The following DGKH variants were observed in gnomAD, a reference collection of about 807,000 sequenced individuals.
DGKH encodes diacylglycerol kinase eta, also known as DAG kinase eta.
Under a neutral mutation model 159.3 loss-of-function variants are expected in DGKH, and 90 were observed. The observed-to-expected ratio is 0.57, with a 90% confidence interval of 0.48 to 0.67. The LOEUF is 0.67. Ranked by LOEUF, DGKH falls within the 30% of genes least tolerant of loss-of-function variation. The probability of loss-of-function intolerance (pLI) is 0.00; values close to 1 mark genes in which losing one functional copy is unlikely to be tolerated. For synonymous variants in DGKH, 536 were observed against 553.8 expected (o/e 0.97, Z 0.45); for missense variants, 1,181 against 1,506.1 (o/e 0.78, Z 3.57).
rs189688534 is a variant in DGKH, at chr13:42,093,605, C to T, written c.193-33858C>T. ...CCTAATAGCCAAAAGGTATAAACAA[C>T]GCAAGTGCCAATAAACAGACGAATG... On this transcript the variant is annotated intron_variant, in intron 1 of 29. Transcript: ENST00000337343. Among the ~76,000 whole-genome samples, 58 of 152,242 alleles carry T rather than the reference C, an allele frequency of 3.8e-4. 1 individual carries two copies. The Middle Eastern group carries it at 0.01, about 27-fold the overall frequency.
At chr13:42,087,077 A>ACACG (rs917458556) in intron 1 of DGKH, among the ~76,000 whole-genome samples, 3 of 150,496 alleles carry the variant, frequency 2.0e-5, no homozygotes, top group African/African-American at 7.4e-5. Context: ...ACACACACAC[A>ACACG]CACACACCTC....
intron 1 of DGKH, among the ~76,000 whole-genome samples, chr13:42,049,812 A>T (rs1428237738): frequency 6.6e-6 from 1 of 152,208 alleles, no homozygotes; most frequent in Non-Finnish European, 1.5e-5. Flanking sequence ...TTTTAATTTG[A>T]TCATGAACAT....
intron 1 of DGKH, among the ~76,000 whole-genome samples, chr13:42,053,446 CTA>C (rs1229249000): frequency 1.8e-4 from 19 of 105,154 alleles, no homozygotes; most frequent in South Asian, 2.6e-4. Context: ...CTATATATAA[CTA>C]TATATATAAC....
chr13:42,046,088 CTT>C (rs1332812797), upstream of DGKH, among the ~76,000 whole-genome samples: 2 of 152,100 alleles, frequency 1.3e-5, no homozygotes, highest in African/African-American at 4.8e-5. Context: ...ATGTTGAAGT[CTT>C]TAATAGTGTG....
At chr13:42,118,535 C>T (rs1955005612) in intron 1 of DGKH, among the ~76,000 whole-genome samples, 1 of 152,200 alleles carries the variant, frequency 6.6e-6, no homozygotes, top group Non-Finnish European at 1.5e-5. Context: ...TGTTCAGTGT[C>T]ATAGGTGCTG....
At chr13:42,132,053 G>C (rs1348320449) in intron 3 of DGKH, among the ~76,000 whole-genome samples, 1 of 152,204 alleles carries the variant, frequency 6.6e-6, no homozygotes. Flanking sequence ...CCTGAGCAGT[G>C]AAGAATAATC....
chr13:42,094,764 A>G (rs886686564), intron 1 of DGKH, among the ~76,000 whole-genome samples: 1 of 152,198 alleles, frequency 6.6e-6, no homozygotes, highest in African/African-American at 2.4e-5. Flanking sequence ...GTTGTTTTCC[A>G]CAGTCTCAAA....
Position 42,159,259 on chromosome 13 carries a change from T to TTTTTTTTTTTTTTTTTTG in DGKH, c.623-3_623-2insTTTTTTTTTTTTTGTTTT. 1.7e-6 allele frequency: 2 copies of TTTTTTTTTTTTTTTTTTG among 1,143,462 alleles called. No homozygotes were observed. The highest frequency in any genetic ancestry group is 2.6e-5 in the Admixed American group (1 of 38,522). 70.8% of individuals were successfully genotyped at this position (1,143,462 alleles called of 1,614,324 possible). A position where few individuals can be genotyped will look rare whatever the true frequency, so the allele number is the denominator to read the frequency against. ...AGCAGTTGCTCTTTTTTTTTTTTTT[T>TTTTTTTTTTTTTTTTTTG]TTTTAGTGTGTAAATTCAAGGCTCA... On this transcript the variant is annotated splice_polypyrimidine_tract_variant and splice_region_variant and intron_variant, in intron 5 of 29. Transcript: ENST00000337343.
intron 1 of DGKH, among the ~76,000 whole-genome samples, chr13:42,079,352 C>A (rs1338424844): frequency 1.3e-5 from 2 of 152,092 alleles, no homozygotes; most frequent in South Asian, 2.1e-4. Context: ...AATTTCATTA[C>A]ATGCACAGAT....
At chr13:42,087,724 A>AT (rs1241026172) in intron 1 of DGKH, among the ~76,000 whole-genome samples, 1 of 150,504 alleles carries the variant, frequency 6.6e-6, no homozygotes, top group Non-Finnish European at 1.5e-5. Context: ...ATAAAACAGA[A>AT]TAAAAAGTTG....
chr13:42,121,749 A>G (rs1427560448), intron 1 of DGKH, among the ~76,000 whole-genome samples: 4 of 152,180 alleles, frequency 2.6e-5, no homozygotes, highest in African/African-American at 9.7e-5. Flanking sequence ...TGGGGACTTA[A>G]GCGTTAAGGC....
upstream of DGKH, among the ~76,000 whole-genome samples, chr13:42,047,702 TTGA>T (rs1468746080): frequency 6.6e-6 from 1 of 152,210 alleles, no homozygotes; most frequent in African/African-American, 2.4e-5. Context: ...CTACAGCCTG[TTGA>T]TCCCACTTCC....
chr13:42,104,677 T>G (rs974750323), intron 1 of DGKH, among the ~76,000 whole-genome samples: 6 of 152,162 alleles, frequency 3.9e-5, no homozygotes, highest in Non-Finnish European at 7.4e-5. Flanking sequence ...GGAGGGTAAG[T>G]ACTGGGAGAA....
chr13:42,162,910 G>A (rs1023650033), intron 7 of DGKH, among the ~76,000 whole-genome samples: 4 of 148,822 alleles, frequency 2.7e-5, no homozygotes, highest in Non-Finnish European at 4.4e-5. Flanking sequence ...TGTGCACAAT[G>A]TGCAGGTTAG....
chr13:42,224,672 GTC>G (rs34236627), intron 29 of DGKH, among the ~76,000 whole-genome samples: 102,902 of 151,716 alleles, frequency 0.68, 35,111 homozygotes, highest in East Asian at 0.88. Context: ...CTCCTGTGAA[GTC>G]TCTGGCTCCT....
intron 29 of DGKH, among the ~76,000 whole-genome samples, chr13:42,224,595 C>T (rs1325387398): frequency 6.6e-6 from 1 of 152,148 alleles, no homozygotes; most frequent in Non-Finnish European, 1.5e-5. Flanking sequence ...TCAGTAGCTT[C>T]CCATTTCTAG....
rs1555275936 is a variant in DGKH, at chr13:42,206,975, T to TTTTCTCTTTCTTTCTTTCTTTC, written c.2601+834_2601+835insCTTTCTTTCTTTCTTTCTTTCT. On this transcript the variant is annotated intron_variant, in intron 21 of 29. Coordinates refer to ENST00000337343, the MANE Select transcript of DGKH (RefSeq NM_178009.5). Reference sequence around the variant, plus strand: ...CACAATACCTTTTGGTACTTTTACTTTTTCTTTCTTTCTTTCTTTCTTTCT... The same window carrying TTTTCTCTTTCTTTCTTTCTTTC: ...CACAATACCTTTTGGTACTTTTACTTTTTCTCTTTCTTTCTTTCTTTCTTTCTTTCTTTCTTTCTTTCTTTCT... Among the ~76,000 whole-genome samples the TTTTCTCTTTCTTTCTTTCTTTC allele has an allele frequency of 2.1e-3, 175 of 82,346 alleles. 5 individuals carry two copies. Among genetic ancestry groups the TTTTCTCTTTCTTTCTTTCTTTC allele is most frequent in the Middle Eastern group, 6.1e-3 (1 of 164 alleles). 54.0% of individuals were successfully genotyped at this position (82,346 alleles called of 152,430 possible).
intron 30 of DGKH, among the ~76,000 whole-genome samples, chr13:42,255,139 G>T: frequency 6.7e-6 from 1 of 150,154 alleles, no homozygotes; most frequent in East Asian, 1.9e-4. Flanking sequence ...TTAGACTGTG[G>T]TAGTCTCAAT....
intron 1 of DGKH, among the ~76,000 whole-genome samples, chr13:42,091,686 A>G (rs955286008): frequency 5.3e-5 from 8 of 152,210 alleles, no homozygotes; most frequent in Non-Finnish European, 1.0e-4. Flanking sequence ...CTGACAAGGG[A>G]TTAATAACCA....
Sources: allele counts gnomAD v4.1 joint callset (sites outside exome capture counted in the v4.1 genomes callset), GRCh38; gene constraint gnomAD v4.1.1; transcripts MANE v1.5; gene names NCBI Gene and HGNC (gene_info 2026-07-23, HGNC 2026-07-21).